The following STK3 variants were observed in gnomAD, a reference collection of about 807,000 sequenced individuals.
STK3 encodes the protein serine/threonine-protein kinase 3.
STK3 carries 41 observed loss-of-function variants against 58.0 expected under a neutral mutation model. The ratio of observed to expected loss-of-function variants is 0.71; its 90% CI spans 0.55 to 0.92. STK3 has a LOEUF of 0.92. Among genes scored for constraint, STK3 ranks in the 40% least tolerant of loss-of-function variants. The pLI is 0.00. For synonymous variants in STK3, 170 were observed against 191.0 expected, an observed-to-expected ratio of 0.89 and a Z score of 0.91; for missense variants, 479 against 602.7, an observed-to-expected ratio of 0.79 and a Z score of 2.15.
At chr8:98,932,144 A>T (rs1840025067) in intron 1 of STK3, among the ~76,000 whole-genome samples, 3 of 152,252 alleles carry the variant, frequency 2.0e-5, no homozygotes, top group Non-Finnish European at 2.9e-5. Context: ...TGCAGAGTTT[A>T]TCATCTCAGA....
chr8:98,910,195 T>C (rs969928156), intron 1 of STK3, among the ~76,000 whole-genome samples: 9 of 152,236 alleles, frequency 5.9e-5, no homozygotes, highest in African/African-American at 2.2e-4. Context: ...GGATAATTTG[T>C]CTTTTTTATT....
chr8:98,888,873 T>C (rs1412234770), intron 1 of STK3, among the ~76,000 whole-genome samples: 1 of 152,226 alleles, frequency 6.6e-6, no homozygotes, highest in East Asian at 1.9e-4. Flanking sequence ...GCTTTTCCTC[T>C]GGCCAAACAG....
intron 10 of STK3, among the ~76,000 whole-genome samples, chr8:98,472,554 T>C (rs1173237007): frequency 6.6e-6 from 1 of 152,180 alleles, no homozygotes; most frequent in African/African-American, 2.4e-5. Flanking sequence ...TGCTGTGAAA[T>C]GGGGCAGATA....
chr8:98,676,428 C>T (rs1321686674), intron 6 of STK3, among the ~76,000 whole-genome samples: 1 of 152,146 alleles, frequency 6.6e-6, no homozygotes, highest in Admixed American at 6.5e-5. Context: ...GCCCAATCAA[C>T]ATGGTGAAAC....
intron 7 of STK3, among the ~76,000 whole-genome samples, chr8:98,583,719 T>C (rs1288214908): frequency 6.6e-6 from 1 of 152,204 alleles, no homozygotes; most frequent in African/African-American, 2.4e-5. Context: ...TTATTATTAA[T>C]CTTTATCTTG....
intron 8 of STK3, among the ~76,000 whole-genome samples, chr8:98,554,007 T>C (rs934219612): frequency 4.6e-5 from 7 of 151,742 alleles, no homozygotes; most frequent in African/African-American, 1.4e-4. Flanking sequence ...TTATTCCTCT[T>C]AGGCAAAGGA....
intron 7 of STK3, among the ~76,000 whole-genome samples, chr8:98,589,423 C>T (rs1815030682): frequency 6.6e-6 from 1 of 152,250 alleles, no homozygotes; most frequent in African/African-American, 2.4e-5. Context: ...GGTCAGGGGT[C>T]ATGCACCCAC....
intron 3 of STK3, 89 bp downstream of exon 3, chr8:98,767,154 A>C: frequency 7.2e-7 from 1 of 1,385,502 alleles, no homozygotes; most frequent in Non-Finnish European, 9.6e-7. Context: ...ATGAAAACTA[A>C]ACAGATGATC....
intron 10 of STK3, among the ~76,000 whole-genome samples, chr8:98,460,663 GATCATGGGGGC>G (rs1393388530): frequency 1.3e-5 from 2 of 152,124 alleles, no homozygotes; most frequent in African/African-American, 4.8e-5. Flanking sequence ...GAGGTGACTG[GATCATGGGGGC>G]AGTTTCCTCC....
At chr8:98,840,628 T>TAC (rs1554689100) in intron 3 of STK3, among the ~76,000 whole-genome samples, 4,516 of 113,522 alleles carry the variant, frequency 0.04, 145 homozygotes, top group Non-Finnish European at 0.048. Context: ...TATATATATA[T>TAC]ACACACACAT....
chr8:98,745,463 C>A (rs1013937390), intron 4 of STK3, among the ~76,000 whole-genome samples: 1 of 152,072 alleles, frequency 6.6e-6, no homozygotes, highest in African/African-American at 2.4e-5. Flanking sequence ...TCAGACCACT[C>A]TCCTGCTTAA....
At chr8:98,637,948 C>A (rs1819738731) in intron 6 of STK3, among the ~76,000 whole-genome samples, 1 of 152,120 alleles carries the variant, frequency 6.6e-6, no homozygotes, top group Non-Finnish European at 1.5e-5. Flanking sequence ...TAGGTGTTGG[C>A]ACCCAACATT....
intron 1 of STK3, among the ~76,000 whole-genome samples, chr8:98,445,608 G>A (rs985438919): frequency 2.6e-5 from 4 of 151,614 alleles, no homozygotes; most frequent in Non-Finnish European, 5.9e-5. Context: ...ATCCTTCTTT[G>A]TAAATTGCCT....
intron 6 of STK3, among the ~76,000 whole-genome samples, chr8:98,666,977 T>C (rs778968418): frequency 3.3e-5 from 5 of 152,264 alleles, no homozygotes; most frequent in Admixed American, 2.6e-4. Flanking sequence ...AAAAGGATCA[T>C]ATTGTCTTTT....
intron 6 of STK3, among the ~76,000 whole-genome samples, chr8:98,660,754 T>C (rs1250842954): frequency 6.6e-6 from 1 of 152,122 alleles, no homozygotes; most frequent in Non-Finnish European, 1.5e-5. Flanking sequence ...GTACCCAACA[T>C]ACAACTTTCC....
chr8:98,543,918 C>T (rs1002762159), intron 9 of STK3, among the ~76,000 whole-genome samples: 1 of 152,094 alleles, frequency 6.6e-6, no homozygotes, highest in East Asian at 1.9e-4. Flanking sequence ...TGGACCATAT[C>T]AAAGTTTTCC....
chr8:98,539,374 C>G (rs930146717), intron 9 of STK3, among the ~76,000 whole-genome samples: 15 of 152,032 alleles, frequency 9.9e-5, no homozygotes, highest in African/African-American at 3.6e-4. Flanking sequence ...CAGAACAAAA[C>G]AAATTGCCTC....
At chr8:98,662,376 A>C (rs1822030281) in intron 6 of STK3, among the ~76,000 whole-genome samples, 2 of 152,278 alleles carry the variant, frequency 1.3e-5, no homozygotes, top group East Asian at 3.9e-4. Context: ...AACTTTTACA[A>C]CCAGAAAATG....
At chr8:98,858,335 G>GAA (rs1836776120) in intron 3 of STK3, among the ~76,000 whole-genome samples, 4 of 124,904 alleles carry the variant, frequency 3.2e-5, no homozygotes, top group East Asian at 4.9e-4. Flanking sequence ...GAGAGAGAGA[G>GAA]AGAGAGAGAG....
Sources: gnomAD v4.1 joint callset for allele counts (sites outside exome capture counted in the v4.1 genomes callset) on GRCh38, gnomAD v4.1.1 for gene constraint, MANE v1.5 for transcripts, NCBI Gene and HGNC (gene_info 2026-07-23, HGNC 2026-07-21) for gene names.